ZNF395: variants seen among roughly 807,000 people sequenced by gnomAD.
The protein encoded by ZNF395 is zinc finger protein 395.
A neutral mutation model predicts 57.7 loss-of-function variants in ZNF395; 20 were observed. The ratio of observed to expected loss-of-function variants is 0.35; its 90% confidence interval spans 0.24 to 0.50. The LOEUF is 0.50. Among genes scored for constraint, ZNF395 ranks in the 20% least tolerant of loss-of-function variants. The probability of loss-of-function intolerance (pLI) is 0.97; values close to 1 mark genes in which losing one functional copy is unlikely to be tolerated. For synonymous variants in ZNF395, 295 were observed against 275.9 expected (o/e 1.07, Z -0.69); for missense variants, 606 against 671.2 (o/e 0.90, Z 1.07).
Position 28,356,792 on chromosome 8 carries a change from G to A in ZNF395, c.474-13C>T, listed in dbSNP as rs746818066. 1.6e-5 allele frequency: 26 copies of A among 1,607,518 alleles called. 1 individual carries two copies. Among genetic ancestry groups the A allele is most frequent in the South Asian group, 1.1e-4 (10 of 90,680 alleles). On this transcript the variant is annotated splice_polypyrimidine_tract_variant and intron_variant, in intron 3 of 9. Coordinates refer to ENST00000344423, the MANE Select transcript of ZNF395 (RefSeq NM_018660.3). The surrounding 1 kb of genome is among the most constrained non-coding windows in gnomAD (Gnocchi z 4.0). ...TGCGTCCGACTTCCTGGATTCACAC[G>A]GATGAGTGGGAAATGTTACTTCCTG...
At chr8:28,381,134 G>A (rs557605271) in intron 1 of ZNF395, among the ~76,000 whole-genome samples, 6 of 152,016 alleles carry the variant, frequency 3.9e-5, no homozygotes, top group Admixed American at 3.3e-4. Context: ...CTCTGCCTCC[G>A]GGGTTCATGC....
chr8:28,384,782 C>G (rs1802151505), intron 1 of ZNF395, among the ~76,000 whole-genome samples: 1 of 152,214 alleles, frequency 6.6e-6, no homozygotes, highest in African/African-American at 2.4e-5. Flanking sequence ...GATATACTCC[C>G]TCTCCAGCAT....
At position 28,351,720 on chromosome 8, in the gene ZNF395, A is replaced by G. The variant is rs1415241170; in HGVS notation, c.1008T>C (p.Ala336=). 3.7e-6 allele frequency: 6 copies of G among 1,607,786 alleles called. No homozygotes were observed. The highest frequency in any genetic ancestry group is 4.2e-6 in the Non-Finnish European group (5 of 1,179,762). ...CTGGGGTGCCTGCGGCAGCAGCAGC[A>G]GCAGCAGCAGCAGATTCCTCCTTCA... ...VQLKEESAAA[A]AAAAAGTPVP... The change falls in exon 7 of 10, where the codon GCT becomes GCC. Residue 336 remains alanine (A), a synonymous_variant. Coordinates refer to ENST00000344423, the MANE Select transcript of ZNF395 (RefSeq NM_018660.3).
intron 2 of ZNF395, among the ~76,000 whole-genome samples, chr8:28,360,151 G>A (rs1183764685): frequency 6.6e-6 from 1 of 152,202 alleles, no homozygotes; most frequent in Non-Finnish European, 1.5e-5. Flanking sequence ...GTCTGCTGGT[G>A]CCCAACTGCC....
rs780007649 is a variant in ZNF395 at position 28,361,063 on chromosome 8, C to T, written c.62G>A (p.Gly21Glu). 6.2e-7 allele frequency: 1 copy of T among 1,612,288 alleles called. No individual in the cohort carries two copies. The highest frequency in any genetic ancestry group is 8.5e-7 in the Non-Finnish European group (1 of 1,179,618). The change falls in exon 2 of 10, where the codon GGA becomes GAA. Residue 21 changes from glycine (G) to glutamate (E), a missense_variant. Physicochemically the swap from Gly to Glu is moderately conservative, Grantham distance 98 (BLOSUM62 -2). Transcript: ENST00000344423. ...CGAGGGCCCCTCCGAGGCACTGGGT[C>T]CCAACACCCGGGCTCCCAGGAGGGA... ...KRSLLGARVL[G>E]PSASEGPSAA...
At chr8:28,372,160 C>T (rs547435478) in intron 1 of ZNF395, among the ~76,000 whole-genome samples, 4 of 152,252 alleles carry the variant, frequency 2.6e-5, no homozygotes, top group East Asian at 1.9e-4. Context: ...AGTATTGATC[C>T]TATCCCAGAG....
intron 1 of ZNF395, among the ~76,000 whole-genome samples, chr8:28,362,824 G>A (rs919184469): frequency 6.6e-6 from 1 of 152,196 alleles, no homozygotes; most frequent in Non-Finnish European, 1.5e-5. Context: ...CAAATATTGA[G>A]TAAAGGGGCA....
chr8:28,347,245 G>C lies in ZNF395; in HGVS notation c.*1474C>G, dbSNP rs1296181706. On this transcript the variant is annotated 3_prime_UTR_variant, in exon 10 of 10. Transcript: ENST00000344423. ...CTGACACTCCATCCCAGGACAGGTG[G>C]CTGGGTAGGATTCCCTGAGCCCCTG... 1 of 152,214 alleles carries C rather than the reference G, an allele frequency of 6.6e-6. No homozygotes were observed. Among genetic ancestry groups the C allele is most frequent in the Non-Finnish European group, 1.5e-5 (1 of 68,060 alleles). 9.4% of individuals were successfully genotyped at this position (152,214 alleles called of 1,614,324 possible). A position where few individuals can be genotyped will look rare whatever the true frequency, so the allele number is the denominator to read the frequency against.
chr8:28,376,741 T>G (rs1270953877), intron 1 of ZNF395, among the ~76,000 whole-genome samples: 1 of 152,168 alleles, frequency 6.6e-6, no homozygotes, highest in African/African-American at 2.4e-5. Context: ...ATGTGAGGCA[T>G]AAATGATACA....
intron 1 of ZNF395, among the ~76,000 whole-genome samples, chr8:28,380,631 T>A (rs1802097641): frequency 6.6e-6 from 1 of 152,192 alleles, no homozygotes; most frequent in Non-Finnish European, 1.5e-5. Context: ...TATGATTTAA[T>A]AAGGACCATC....
chr8:28,374,568 G>A (rs1802018619), intron 1 of ZNF395, among the ~76,000 whole-genome samples: 1 of 152,196 alleles, frequency 6.6e-6, no homozygotes, highest in African/African-American at 2.4e-5. Flanking sequence ...ATGCTTCCCA[G>A]GGGCTGTGAG....
intron 1 of ZNF395, among the ~76,000 whole-genome samples, chr8:28,379,737 C>A (rs1430513985): frequency 6.6e-6 from 1 of 151,720 alleles, no homozygotes; most frequent in Non-Finnish European, 1.5e-5. Context: ...AATGAATCAT[C>A]TACTTTACCC....
Position 28,359,907 on chromosome 8 carries a change from C to T in ZNF395, c.241-83G>A. 6.6e-7 allele frequency: 1 copy of T among 1,514,386 alleles called. No individual in the cohort carries two copies. The highest frequency in any genetic ancestry group is 8.9e-7 in the Non-Finnish European group (1 of 1,126,872). The allele number at this position is 1,514,386 out of a possible 1,614,324, so 93.8% of individuals were successfully genotyped here. On this transcript the variant is annotated intron_variant, in intron 2 of 9. Transcript: ENST00000344423. The surrounding 1 kb of genome is among the most constrained non-coding windows in gnomAD (Gnocchi z 4.7). ...TCTCATGCACCCCACGTCCCAGGAG[C>T]CAGGATCTGCCTGCCACAAACCATG...
At chr8:28,360,621 G>A (rs1389781151) in intron 2 of ZNF395, among the ~76,000 whole-genome samples, 1 of 152,228 alleles carries the variant, frequency 6.6e-6, no homozygotes, top group East Asian at 1.9e-4. Context: ...TTCAAACTGA[G>A]GTTTTGAGCA....
chr8:28,365,335 G>A (rs527418278), intron 1 of ZNF395: 7 of 152,328 alleles, frequency 4.6e-5, no homozygotes, highest in East Asian at 1.9e-4. Flanking sequence ...TAATCACTCC[G>A]GGGGTCCTGC....
chr8:28,374,604 A>G (rs1002671292), intron 1 of ZNF395, among the ~76,000 whole-genome samples: 4 of 152,226 alleles, frequency 2.6e-5, no homozygotes, highest in African/African-American at 9.7e-5. Context: ...CTGCGTTTCC[A>G]GTCAGCAGTG....
chr8:28,351,948 C>CAA, intron 6 of ZNF395, 141 bp from the exon 7 acceptor site: 4 of 895,748 alleles, frequency 4.5e-6, no homozygotes. Context: ...CCAGGTGCCT[C>CAA]GCTCCTGACG....
intron 1 of ZNF395, among the ~76,000 whole-genome samples, chr8:28,384,340 C>CT (rs1469088833): frequency 5.3e-5 from 8 of 152,206 alleles, no homozygotes; most frequent in Admixed American, 5.2e-4. Flanking sequence ...AGGACATCTC[C>CT]TTGTCTCTCT....
chr8:28,371,637 G>A (rs1231074623), intron 1 of ZNF395, among the ~76,000 whole-genome samples: 1 of 152,214 alleles, frequency 6.6e-6, no homozygotes, highest in African/African-American at 2.4e-5. Flanking sequence ...CGGGAAATGT[G>A]CATTATGACA....
Sources: gnomAD v4.1 joint callset for allele counts (sites outside exome capture counted in the v4.1 genomes callset) on GRCh38, gnomAD v4.1.1 for gene constraint, Gnocchi (gnomAD v3.1) non-coding constraint, MANE v1.5 for transcripts, NCBI Gene and HGNC (gene_info 2026-07-23, HGNC 2026-07-21) for gene names.